ANKRD12: variants seen among roughly 807,000 people sequenced by gnomAD.
ANKRD12 encodes the protein ankyrin repeat domain 12.
Under a neutral mutation model 183.4 loss-of-function variants are expected in ANKRD12, and 85 were observed. The ratio of observed to expected loss-of-function variants is 0.46; its 90% CI spans 0.39 to 0.56. ANKRD12 has a LOEUF of 0.56. Ranked by LOEUF, ANKRD12 falls within the 20% of genes least tolerant of loss-of-function variation. ANKRD12 has a pLI of 0.00. For missense variants in ANKRD12, 2,405 were observed against 2,357.1 expected (o/e 1.02, Z -0.42); for synonymous variants, 914 against 800.2 (o/e 1.14, Z -2.40).
chr18:9,181,280 A>G (rs891495864), intron 1 of ANKRD12, among the ~76,000 whole-genome samples: 1 of 152,114 alleles, frequency 6.6e-6, no homozygotes, highest in African/African-American at 2.4e-5. Context: ...TATTTAAGGG[A>G]TTTTTGGTTT....
In ANKRD12 at chr18:9,258,204, G is replaced by T. The variant is rs771662202; in HGVS notation, c.4937G>T (p.Ser1646Ile). The change falls in exon 9 of 13, where the codon AGT becomes ATT. Residue 1646 changes from serine to isoleucine, a missense_variant. Transcript: ENST00000262126. ...KLESLVLTHL[S>I]RCDSDLCEMN... ...GAGAGTTTGGTTTTAACTCATTTGA[G>T]TAGGTGTGATTCTGATTTATGTGAA... The T allele has an allele frequency of 1.2e-6, 2 of 1,613,872 alleles. No individual in the cohort carries two copies. Among genetic ancestry groups the T allele is most frequent in the South Asian group, 1.1e-5 (1 of 91,076 alleles).
intron 2 of ANKRD12, among the ~76,000 whole-genome samples, chr18:9,186,470 A>G (rs1225841689): frequency 1.3e-5 from 2 of 152,202 alleles, no homozygotes; most frequent in Non-Finnish European, 2.9e-5. Context: ...TCAGAAGCTC[A>G]TCTAAGGCAA....
intron 8 of ANKRD12, among the ~76,000 whole-genome samples, chr18:9,224,010 G>A (rs1422425351): frequency 1.3e-5 from 2 of 152,018 alleles, no homozygotes; most frequent in Admixed American, 6.5e-5. Context: ...TGGAAAGCAC[G>A]TTTTCTAAGT....
chr18:9,239,615 T>C, intron 8 of ANKRD12: 1 of 800,134 alleles, frequency 1.2e-6, no homozygotes, highest in African/African-American at 1.8e-5. Context: ...ATACCCAAAA[T>C]TTATTACTTA....
chr18:9,254,974 A>C lies in ANKRD12; in HGVS notation c.1707A>C (p.Pro569=), dbSNP rs201677392. 7 of 1,608,440 alleles carry C rather than the reference A, an allele frequency of 4.4e-6. No individual in the cohort carries two copies. The African/African-American group carries it at 5.3e-5, about 12-fold the overall frequency. The change falls in exon 9 of 13, where the codon CCA becomes CCC. Residue 569 remains proline, a synonymous_variant. Transcript: ENST00000262126. ...AACATACTAAAACATGTTTATCACC[A>C]GGAAGTTCTGAAATGTCATTACAGC... ...KQEHTKTCLS[P]GSSEMSLQPD...
chr18:9,156,602 A>G (rs554771051), intron 1 of ANKRD12, among the ~76,000 whole-genome samples: 1 of 152,350 alleles, frequency 6.6e-6, no homozygotes, highest in Non-Finnish European at 1.5e-5. Flanking sequence ...GAAGCTTTAT[A>G]TCTAAAAGCA....
At chr18:9,216,983 A>G in intron 7 of ANKRD12, 83 bp downstream of exon 7, 7 of 1,323,098 alleles carry the variant, frequency 5.3e-6, no homozygotes, top group Non-Finnish European at 7.4e-6. Context: ...CTTCTTAGTC[A>G]TATGATCTGT....
chr18:9,270,877 G>T (rs1204058268), intron 10 of ANKRD12, among the ~76,000 whole-genome samples: 1 of 152,160 alleles, frequency 6.6e-6, no homozygotes, highest in Admixed American at 6.5e-5. Flanking sequence ...TATAATACTT[G>T]AGGGCAACTT....
intron 1 of ANKRD12, among the ~76,000 whole-genome samples, chr18:9,154,682 AGAGAT>A (rs146107533): frequency 0.01 from 1,546 of 152,308 alleles, 20 homozygotes; most frequent in African/African-American, 0.036. Flanking sequence ...AGTCTATTCA[AGAGAT>A]GATGGTGGCT....
intron 2 of ANKRD12, among the ~76,000 whole-genome samples, chr18:9,193,147 T>C (rs796771274): frequency 9.3e-5 from 14 of 151,212 alleles, no homozygotes; most frequent in African/African-American, 3.4e-4. Flanking sequence ...TTTTTTTTTT[T>C]TTTTTTTGGA....
At chr18:9,144,742 T>C (rs2078436396) in intron 1 of ANKRD12, among the ~76,000 whole-genome samples, 2 of 152,162 alleles carry the variant, frequency 1.3e-5, no homozygotes, top group African/African-American at 4.8e-5. Flanking sequence ...ATCTAGTAAG[T>C]GATGGTGACT....
At chr18:9,154,052 T>C (rs1351126602) in intron 1 of ANKRD12, among the ~76,000 whole-genome samples, 1 of 152,174 alleles carries the variant, frequency 6.6e-6, no homozygotes, top group Non-Finnish European at 1.5e-5. Context: ...TGTATACACA[T>C]AGCTTAGTTT....
At chr18:9,209,967 G>C (rs760347527) in intron 5 of ANKRD12, among the ~76,000 whole-genome samples, 12 of 151,938 alleles carry the variant, frequency 7.9e-5, no homozygotes, top group Admixed American at 2.0e-4. Flanking sequence ...GCTTTTCTAG[G>C]CATAAACTTA....
At chr18:9,142,185 A>C (rs1018987940) in intron 1 of ANKRD12, among the ~76,000 whole-genome samples, 3 of 152,206 alleles carry the variant, frequency 2.0e-5, no homozygotes, top group Middle Eastern at 3.2e-3. Context: ...GAGAACAAAA[A>C]CCATTTGTGG....
chr18:9,273,248 C>G (rs2039688778), intron 10 of ANKRD12, among the ~76,000 whole-genome samples: 2 of 152,114 alleles, frequency 1.3e-5, no homozygotes, highest in South Asian at 4.1e-4. Context: ...TTGCTAAATG[C>G]AGAAGATTGC....
At position 9,283,696 on chromosome 18, in the gene ANKRD12, A is replaced by G. The variant is rs2040170667; in HGVS notation, c.*2570A>G. 6.6e-6 allele frequency: 1 copy of G among 152,646 alleles called. No homozygotes were observed. The highest frequency in any genetic ancestry group is 2.4e-5 in the African/African-American group (1 of 41,462). The allele number at this position is 152,646 out of a possible 1,614,324, so 9.5% of individuals were successfully genotyped here. On this transcript the variant is annotated 3_prime_UTR_variant, in exon 13 of 13. Transcript: ENST00000262126. ...TGTATTTCTTTACAATTTGTTCTAA[A>G]TATCTGTTTAATGACTAGTTGATAT...
intron 2 of ANKRD12, among the ~76,000 whole-genome samples, chr18:9,184,537 T>C (rs2033918051): frequency 6.6e-6 from 1 of 152,056 alleles, no homozygotes; most frequent in African/African-American, 2.4e-5. Context: ...AGACCGCAGG[T>C]GCACACCACT....
At chr18:9,140,959 T>G (rs149570725) in intron 1 of ANKRD12, among the ~76,000 whole-genome samples, 1 of 152,198 alleles carries the variant, frequency 6.6e-6, no homozygotes, top group African/African-American at 2.4e-5. Context: ...TGAAGAGTTA[T>G]GTGATGGATA....
At chr18:9,264,013 T>C (rs949713882) in intron 10 of ANKRD12, 125 bp downstream of exon 10, 2 of 924,614 alleles carry the variant, frequency 2.2e-6, no homozygotes, top group Non-Finnish European at 3.0e-6. Flanking sequence ...AGTGATTTGG[T>C]TTTATCTTGT....
Sources: allele counts gnomAD v4.1 joint callset (sites outside exome capture counted in the v4.1 genomes callset), GRCh38; gene constraint gnomAD v4.1.1; transcripts MANE v1.5; gene names NCBI Gene and HGNC (gene_info 2026-07-23, HGNC 2026-07-21).